Variants in SEMA5B observed in about 807,000 individuals in gnomAD.
SEMA5B encodes the protein semaphorin 5B, also known as semaphorin-5B.
A neutral mutation model predicts 135.0 loss-of-function variants in SEMA5B; 66 were observed. The observed-to-expected ratio is 0.49, with a 90% confidence interval of 0.40 to 0.60. SEMA5B has a LOEUF of 0.60. Ranked by LOEUF, SEMA5B falls within the 20% of genes least tolerant of loss-of-function variation. SEMA5B has a pLI of 0.00. For missense variants in SEMA5B, 1,501 were observed against 1,566.3 expected (o/e 0.96, Z 0.70); for synonymous variants, 690 against 639.5 (o/e 1.08, Z -1.19).
chr3:122,965,861 C>A (rs1940794533), intron 1 of SEMA5B, among the ~76,000 whole-genome samples: 4 of 152,208 alleles, frequency 2.6e-5, no homozygotes, highest in Admixed American at 2.6e-4. Flanking sequence ...AACTGGAAAG[C>A]AGATAGTAGA....
At chr3:122,998,285 C>T (rs769835907) in intron 1 of SEMA5B, among the ~76,000 whole-genome samples, 65 of 152,222 alleles carry the variant, frequency 4.3e-4, no homozygotes, top group Admixed American at 1.3e-3. Flanking sequence ...CACAGCAGCC[C>T]GCAGAGGTTG....
rs558739707 is a variant in SEMA5B, at chr3:122,917,172, G to A, written c.1689-1282C>T. On this transcript the variant is annotated intron_variant, in intron 12 of 22. Transcript: ENST00000357599. ...CACTGCCAATCCTGGGGGATACCTC[G>A]ATCCCTCTGGTTCCTGTCCCCAGCT... is the stretch of plus-strand genomic sequence containing the variant. Among the ~76,000 whole-genome samples the A allele has an allele frequency of 7.9e-5, 12 of 152,292 alleles. No individual in the cohort carries two copies. In the South Asian group the frequency reaches 1.5e-3, roughly 18 times the overall value.
chr3:122,929,498 C>A (rs561437617), intron 5 of SEMA5B, among the ~76,000 whole-genome samples: 3 of 152,278 alleles, frequency 2.0e-5, no homozygotes, highest in African/African-American at 7.2e-5. Context: ...TTTGGCAAAC[C>A]CTGAATGTAA....
intron 1 of SEMA5B, among the ~76,000 whole-genome samples, chr3:123,012,632 G>A (rs1279350574): frequency 6.6e-6 from 1 of 152,246 alleles, no homozygotes; most frequent in Non-Finnish European, 1.5e-5. Context: ...GCTGTGAAGT[G>A]TAATTAAAGC....
chr3:123,026,993 G>A (rs1406243568), intron 1 of SEMA5B: 1 of 152,866 alleles, frequency 6.5e-6, no homozygotes, highest in Non-Finnish European at 1.5e-5. Context: ...CTGAGCGGGA[G>A]ATTTCACACT....
In SEMA5B at chr3:122,923,730, C is replaced by T. The variant is rs768490116; in HGVS notation, c.1159G>A (p.Val387Ile). The T allele has an allele frequency of 1.4e-5, 23 of 1,614,144 alleles. No individual in the cohort carries two copies. Among genetic ancestry groups the T allele is most frequent in the Non-Finnish European group, 1.6e-5 (19 of 1,180,012 alleles). The change falls in exon 10 of 23, where the codon GTC (valine) becomes ATC (isoleucine). Residue 387 changes from valine to isoleucine, a missense_variant. By Grantham distance (29) the Val-to-Ile change is conservative. Transcript: ENST00000357599. ...ATAGCACTGAGGTTGAAGGCGCAGA[C>T]AGCAGAAGCCGCGATGCTGTTTCTG... Reference protein sequence around the residue: ...TNVNSIAASAVCAFNLSAISQ... With the variant: ...TNVNSIAASAICAFNLSAISQ...
At chr3:123,027,428 C>T (rs944263467) in intron 1 of SEMA5B, 36 bp downstream of exon 1, 30 of 152,316 alleles carry the variant, frequency 2.0e-4, no homozygotes, top group African/African-American at 7.2e-4. Flanking sequence ...AGCCCCAACC[C>T]GCGCAGGGGA....
chr3:122,974,652 G>C (rs986068494), intron 1 of SEMA5B, among the ~76,000 whole-genome samples: 2 of 152,152 alleles, frequency 1.3e-5, no homozygotes, highest in African/African-American at 2.4e-5. Context: ...CCTGGGCCAG[G>C]GGGTGGGAAG....
chr3:122,940,936 T>G (rs996427213), intron 4 of SEMA5B, among the ~76,000 whole-genome samples: 2 of 152,196 alleles, frequency 1.3e-5, no homozygotes, highest in African/African-American at 4.8e-5. Flanking sequence ...CTTTAACAAA[T>G]TAGGGGAAAC....
chr3:122,912,897 G>T lies in SEMA5B; in HGVS notation c.2671C>A (p.Pro891Thr), dbSNP rs1323589570. 6 of 1,610,902 alleles carry T rather than the reference G, an allele frequency of 3.7e-6. No homozygotes were observed. The highest frequency in any genetic ancestry group is 5.1e-6 in the Non-Finnish European group (6 of 1,178,612). ...TACTCGGCAGCATCGCCCACGCAGG[G>T]CAGGCCCCCGTTGCGGGGCTCCGGG... is the stretch of plus-strand genomic sequence containing the variant. ...TNPEPRNGGLPCVGDAAEYQD... is the reference protein window; with the variant it reads ...TNPEPRNGGLTCVGDAAEYQD... The change falls in exon 18 of 23, where the codon CCC (proline) becomes ACC (threonine). Residue 891 changes from proline to threonine, a missense_variant. Pro to Thr is a conservative substitution (Grantham distance 38). Around this residue, in one of 2 missense-constraint regions of SEMA5B, gnomAD observed 927 missense variants for 881.6 expected, o/e 1.05. Transcript: ENST00000357599.
chr3:122,925,779 G>A (rs1306642244), intron 9 of SEMA5B, among the ~76,000 whole-genome samples: 1 of 151,908 alleles, frequency 6.6e-6, no homozygotes, highest in Non-Finnish European at 1.5e-5. Flanking sequence ...AGGGCCACAT[G>A]CAGCCCAAAG....
chr3:122,934,857 G>A (rs1939173406), intron 5 of SEMA5B, among the ~76,000 whole-genome samples: 1 of 132,078 alleles, frequency 7.6e-6, no homozygotes, highest in African/African-American at 2.9e-5. Flanking sequence ...CTTAGTGACA[G>A]AGTCAGACCC....
chr3:122,939,186 C>T (rs1206234751), intron 5 of SEMA5B, among the ~76,000 whole-genome samples: 2 of 152,248 alleles, frequency 1.3e-5, no homozygotes, highest in African/African-American at 4.8e-5. Flanking sequence ...AGCAGCCTCG[C>T]TGCATGATGC....
intron 1 of SEMA5B, among the ~76,000 whole-genome samples, chr3:122,993,847 A>T (rs1485412994): frequency 6.6e-6 from 1 of 151,948 alleles, no homozygotes; most frequent in Non-Finnish European, 1.5e-5. Flanking sequence ...CTCTTGGGGA[A>T]CAACTTTGGA....
intron 1 of SEMA5B, among the ~76,000 whole-genome samples, chr3:123,005,282 T>A (rs1341656419): frequency 2.0e-5 from 3 of 152,156 alleles, no homozygotes; most frequent in Non-Finnish European, 4.4e-5. Context: ...ATCATGCCAG[T>A]TTTTACTTCA....
intron 1 of SEMA5B, among the ~76,000 whole-genome samples, chr3:122,962,062 C>G (rs1940607905): frequency 6.6e-6 from 1 of 152,228 alleles, no homozygotes; most frequent in African/African-American, 2.4e-5. Flanking sequence ...TTGGGCCCAT[C>G]TAGATCATCC....
chr3:122,981,660 G>C (rs996827367), intron 1 of SEMA5B, among the ~76,000 whole-genome samples: 1 of 152,210 alleles, frequency 6.6e-6, no homozygotes, highest in Non-Finnish European at 1.5e-5. Flanking sequence ...TGTCACACAG[G>C]CAGAGCTTGA....
intron 1 of SEMA5B, among the ~76,000 whole-genome samples, chr3:122,966,705 C>A (rs1244236610): frequency 2.0e-5 from 3 of 150,554 alleles, no homozygotes; most frequent in Admixed American, 6.6e-5. Flanking sequence ...CAGGCCCCCG[C>A]CACCGCGCCC....
At chr3:122,937,167 C>T (rs538814507) in intron 5 of SEMA5B, among the ~76,000 whole-genome samples, 3 of 152,190 alleles carry the variant, frequency 2.0e-5, no homozygotes, top group African/African-American at 7.2e-5. Flanking sequence ...CTGGCCCAGC[C>T]GCCCTTGTCA....
Sources: allele counts gnomAD v4.1 joint callset (sites outside exome capture counted in the v4.1 genomes callset), GRCh38; gene constraint gnomAD v4.1.1; regional missense constraint gnomAD v4.1.1; transcripts MANE v1.5; gene names NCBI Gene and HGNC (gene_info 2026-07-23, HGNC 2026-07-21).